Variants in ZNF813 observed in about 807,000 individuals in gnomAD.
ZNF813 encodes the protein zinc finger protein 813.
A neutral mutation model predicts 7.2 loss-of-function variants in ZNF813; 3 were observed. The observed-to-expected ratio is 0.42, with a 90% CI of 0.19 to 1.08. The LOEUF (loss-of-function observed/expected upper bound fraction) is 1.08, where lower values mean the gene tolerates loss of function less well. Among genes scored for constraint, ZNF813 ranks in the 50% least tolerant of loss-of-function variants. The probability of loss-of-function intolerance (pLI) is 0.30; values close to 1 mark genes in which losing one functional copy is unlikely to be tolerated. For synonymous variants in ZNF813, 227 were observed against 256.3 expected, an observed-to-expected ratio of 0.89 and a Z score of 1.09; for missense variants, 714 against 753.3, an observed-to-expected ratio of 0.95 and a Z score of 0.61.
Position 53,490,677 on chromosome 19 carries a change from C to T in ZNF813, c.445C>T (p.Pro149Ser), listed in dbSNP as rs765745913. 6.2e-7 allele frequency: 1 copy of T among 1,614,102 alleles called. No individual in the cohort carries two copies. The stretch of plus-strand genomic sequence containing the variant: ...TGGATCAAGCTTTCATTCGCATCTG[C>T]CTGAACTCCACATGTTTCAGACCCA... ...QLGSSFHSHL[P>S]ELHMFQTQGK... The change falls in exon 4 of 4, where the codon CCT becomes TCT. Residue 149 changes from proline (P) to serine (S), a missense_variant. By Grantham distance (74) the Pro-to-Ser change is moderately conservative. Coordinates refer to ENST00000396403, the MANE Select transcript of ZNF813 (RefSeq NM_001004301.4).
At chr19:53,482,716 T>G (rs1404439145) in intron 1 of ZNF813, among the ~76,000 whole-genome samples, 2 of 123,694 alleles carry the variant, frequency 1.6e-5, no homozygotes, top group Non-Finnish European at 3.3e-5. Flanking sequence ...CTTTTTGTTT[T>G]TTTTTTTTTT....
At chr19:53,480,110 T>C (rs2147157755) in intron 1 of ZNF813, 1 of 761,832 alleles carries the variant, frequency 1.3e-6, no homozygotes, top group East Asian at 2.4e-5. Flanking sequence ...AGTCCCACCC[T>C]GCTGCTGCTC....
In ZNF813 at chr19:53,494,809, GC is replaced by G. The variant is rs2086479743; in HGVS notation, c.*2726del. On this transcript the variant is annotated 3_prime_UTR_variant, in exon 4 of 4. Coordinates refer to ENST00000396403, the MANE Select transcript of ZNF813 (RefSeq NM_001004301.4). The stretch of plus-strand genomic sequence containing the variant: ...AGGCCAAGACAGGTGGGTCATGTAA[GC>G]CCAGGTATTCAAGACAAGCCTGGGC... 1 of 152,202 alleles carries G rather than the reference GC, an allele frequency of 6.6e-6. No homozygotes were observed. Among genetic ancestry groups the G allele is most frequent in the Non-Finnish European group, 1.5e-5 (1 of 68,068 alleles). The allele number at this position is 152,202 out of a possible 1,614,324, so 9.4% of individuals were successfully genotyped here.
rs1039050786 is a variant in ZNF813 at position 53,468,231 on chromosome 19, C to G, written c.-74+442C>G. 1.2e-4 allele frequency among the ~76,000 whole-genome samples: 11 copies of G among 92,894 alleles called. 1 individual carries two copies. The highest frequency in any genetic ancestry group is 2.9e-4 in the Non-Finnish European group (11 of 38,062). The allele number at this position is 92,894 out of a possible 152,430, so 60.9% of individuals were successfully genotyped here. A position where few individuals can be genotyped will look rare whatever the true frequency, so the allele number is the denominator to read the frequency against. Reference sequence around the variant, plus strand: ...AAGGCGCCCTCGCGCCCCCCCCCCCCCACCTCCCTCCTCCTGCCGGGCCCT... The same window carrying G: ...AAGGCGCCCTCGCGCCCCCCCCCCCGCACCTCCCTCCTCCTGCCGGGCCCT... On this transcript the variant is annotated intron_variant, in intron 1 of 3. Coordinates refer to ENST00000396403, the MANE Select transcript of ZNF813 (RefSeq NM_001004301.4).
chr19:53,490,647 C>T lies in ZNF813; in HGVS notation c.415C>T (p.Gln139Ter), dbSNP rs2086455366. The T allele has an allele frequency of 6.2e-7, 1 of 1,614,066 alleles. No individual in the cohort carries two copies. The highest frequency in any genetic ancestry group is 1.7e-5 in the Admixed American group (1 of 59,998). Reference sequence around the variant, plus strand: ...TGCTGGAAACAAGCCTATTAAAGATCAGCTTGGATCAAGCTTTCATTCGCA... The same window carrying T: ...TGCTGGAAACAAGCCTATTAAAGATTAGCTTGGATCAAGCTTTCATTCGCA... ...RHAGNKPIKD[Q>*]LGSSFHSHLP... is the part of the protein sequence containing the mutation. Residue 139 changes from glutamine to a stop codon, truncating the protein, a stop_gained, in exon 4 of 4, where the codon CAG (glutamine) becomes TAG (stop). Coordinates refer to ENST00000396403, the MANE Select transcript of ZNF813 (RefSeq NM_001004301.4). LOFTEE classifies it low-confidence loss of function (END_TRUNC).
chr19:53,491,345 A>G lies in ZNF813; in HGVS notation c.1113A>G (p.Thr371=), dbSNP rs1486147657. 5.0e-6 allele frequency: 8 copies of G among 1,613,238 alleles called. No homozygotes were observed. The highest frequency in any genetic ancestry group is 3.3e-5 in the South Asian group (3 of 91,002). Residue 371 remains threonine (T), a synonymous_variant, in exon 4 of 4, where the codon ACA becomes ACG. Transcript: ENST00000396403. ...GKTFSRKSSL[T]CHHRLHTGEK... is the part of the protein sequence containing the mutation. The stretch of plus-strand genomic sequence containing the variant: ...CCTTTAGTCGGAAGTCATCCCTTAC[A>G]TGCCATCATAGACTTCATACGGGAG...
intron 1 of ZNF813, chr19:53,479,739 A>C (rs1199955253): frequency 8.0e-7 from 1 of 1,250,724 alleles, no homozygotes; most frequent in Non-Finnish European, 1.2e-6. Flanking sequence ...GTGGCTCGTA[A>C]GTTGGTGATC....
At chr19:53,468,446 A>AT (rs2086339326) in intron 1 of ZNF813, among the ~76,000 whole-genome samples, 1 of 152,204 alleles carries the variant, frequency 6.6e-6, no homozygotes. Context: ...CAGTGGGCCC[A>AT]GGGGACCGGC....
At position 53,496,037 on chromosome 19, in the gene ZNF813, A is replaced by G; in HGVS notation, c.*3951A>G. On this transcript the variant is annotated 3_prime_UTR_variant, in exon 4 of 4. Transcript: ENST00000396403. Reference sequence around the variant, plus strand: ...GGAGAAGAACGAAGCGGGGTCTATAAGGAATTGCACGTGAGATGGCACACA... The same window carrying G: ...GGAGAAGAACGAAGCGGGGTCTATAGGGAATTGCACGTGAGATGGCACACA... The G allele has an allele frequency of 2.9e-6, 1 of 346,836 alleles. No homozygotes were observed. The highest frequency in any genetic ancestry group is 5.7e-6 in the Non-Finnish European group (1 of 176,288). The allele number at this position is 346,836 out of a possible 1,614,324, so 21.5% of individuals were successfully genotyped here.
chr19:53,473,502 C>T (rs2086369012), intron 1 of ZNF813, among the ~76,000 whole-genome samples: 1 of 152,218 alleles, frequency 6.6e-6, no homozygotes, highest in South Asian at 2.1e-4. Context: ...GGTCCACTTG[C>T]CCTGAGCTGC....
rs199661418 is a variant in ZNF813 at position 53,490,792 on chromosome 19, A to G, written c.560A>G (p.His187Arg). 1.2e-5 allele frequency: 20 copies of G among 1,613,786 alleles called. No homozygotes were observed. The African/African-American group carries it at 1.3e-4, about 11-fold the overall frequency. ...SQRISCRPKT[H>R]ISNNYGNNFR... ...AGAATTTCTTGTAGGCCCAAAACCC[A>G]TATTTCTAATAACTATGGGAATAAT... The change falls in exon 4 of 4, where the codon CAT becomes CGT. Residue 187 changes from histidine (H) to arginine (R), a missense_variant. By Grantham distance (29) the His-to-Arg change is conservative. Transcript: ENST00000396403.
Position 53,490,776 on chromosome 19 carries a change from T to A in ZNF813, c.544T>A (p.Cys182Ser). 1 of 1,614,174 alleles carries A rather than the reference T, an allele frequency of 6.2e-7. No homozygotes were observed. The highest frequency in any genetic ancestry group is 8.5e-7 in the Non-Finnish European group (1 of 1,180,034). ...SSISTSQRISCRPKTHISNNY... is the reference protein window; with the variant it reads ...SSISTSQRISSRPKTHISNNY... The stretch of plus-strand genomic sequence containing the variant: ...AATTTCAACATCCCAAAGAATTTCT[T>A]GTAGGCCCAAAACCCATATTTCTAA... Residue 182 changes from cysteine (C) to serine (S), a missense_variant, in exon 4 of 4, where the codon TGT (cysteine) becomes AGT (serine). Coordinates refer to ENST00000396403, the MANE Select transcript of ZNF813 (RefSeq NM_001004301.4).
In ZNF813 at chr19:53,468,944, C is replaced by G. The variant is rs1157919348; in HGVS notation, c.-74+1155C>G. ...CTGGGGGATGTAAGGTCTTTCCTTTCCCACGAGGCCATATCTCAGGCTGTC... is the reference window on the plus strand; with the variant it reads ...CTGGGGGATGTAAGGTCTTTCCTTTGCCACGAGGCCATATCTCAGGCTGTC... On this transcript the variant is annotated intron_variant, in intron 1 of 3. Transcript: ENST00000396403. Among the ~76,000 whole-genome samples, 4 of 151,196 alleles carry G rather than the reference C, an allele frequency of 2.6e-5. No homozygotes were observed. The East Asian group carries it at 7.8e-4, about 29-fold the overall frequency.
chr19:53,469,568 AAGC>A (rs2086345652), intron 1 of ZNF813, among the ~76,000 whole-genome samples: 1 of 152,152 alleles, frequency 6.6e-6, no homozygotes, highest in Non-Finnish European at 1.5e-5. Flanking sequence ...ATATATAAGA[AAGC>A]AGGAGGAGAA....
At chr19:53,485,046 G>C (rs184532767) in intron 2 of ZNF813, among the ~76,000 whole-genome samples, 1 of 152,040 alleles carries the variant, frequency 6.6e-6, no homozygotes, top group Non-Finnish European at 1.5e-5. Context: ...CTGTCAGTTC[G>C]GTGTCAGGTG....
At position 53,491,452 on chromosome 19, in the gene ZNF813, G is replaced by T. The variant is rs2086461557; in HGVS notation, c.1220G>T (p.Gly407Val). The change falls in exon 4 of 4, where the codon GGA becomes GTA. Residue 407 changes from glycine (G) to valine (V), a missense_variant. By Grantham distance (109) the Gly-to-Val change is moderately radical. Transcript: ENST00000396403. ...AAATGCCATCGTAGACTTCATACCG[G>T]AGAGAAGCCTTACAAGTGTAATGAA... ...TLKCHRRLHT[G>V]EKPYKCNECG... is the part of the protein sequence containing the mutation. 1 of 1,614,128 alleles carries T rather than the reference G, an allele frequency of 6.2e-7. No individual in the cohort carries two copies. Among genetic ancestry groups the T allele is most frequent in the Non-Finnish European group, 8.5e-7 (1 of 1,179,998 alleles).
At chr19:53,472,868 T>C (rs2147154499) in intron 1 of ZNF813, among the ~76,000 whole-genome samples, 1 of 152,250 alleles carries the variant, frequency 6.6e-6, no homozygotes, top group South Asian at 2.1e-4. Flanking sequence ...TGCCTCGGCC[T>C]CCCAGAGTGC....
At chr19:53,475,015 TC>T (rs894995461) in intron 1 of ZNF813, among the ~76,000 whole-genome samples, 1 of 152,164 alleles carries the variant, frequency 6.6e-6, no homozygotes, top group African/African-American at 2.4e-5. Flanking sequence ...GCTTCTGGCA[TC>T]CTTGCCATTT....
At chr19:53,483,878 C>T (rs1186933815) in intron 2 of ZNF813, 41 bp downstream of exon 2, 7 of 1,613,744 alleles carry the variant, frequency 4.3e-6, no homozygotes, top group African/African-American at 2.7e-5. Context: ...TCTCCTTCCC[C>T]TCAGAAATGC....
Sources: allele counts gnomAD v4.1 joint callset (sites outside exome capture counted in the v4.1 genomes callset), GRCh38; gene constraint gnomAD v4.1.1; transcripts MANE v1.5; gene names NCBI Gene and HGNC (gene_info 2026-07-23, HGNC 2026-07-21).